The following PCDH9 variants were observed in gnomAD, a reference collection of about 807,000 sequenced individuals.
PCDH9 encodes the protein protocadherin 9.
PCDH9 carries 24 observed loss-of-function variants against 70.6 expected under a neutral mutation model. That is an observed-to-expected ratio of 0.34 (90% CI 0.25 to 0.48). PCDH9 has a LOEUF of 0.48. Among genes scored for constraint, PCDH9 ranks in the 20% least tolerant of loss-of-function variants. The pLI is 0.99. For missense variants in PCDH9, 1,281 were observed against 1,503.6 expected, an observed-to-expected ratio of 0.85 and a Z score of 2.45; for synonymous variants, 562 against 558.5, an observed-to-expected ratio of 1.01 and a Z score of -0.09.
intron 2 of PCDH9, among the ~76,000 whole-genome samples, chr13:67,142,388 T>C (rs1477322085): frequency 6.6e-6 from 1 of 152,140 alleles, no homozygotes; most frequent in Non-Finnish European, 1.5e-5. Context: ...AAAAAACAGG[T>C]ATTTTACCAA....
chr13:67,016,104 G>T (rs1048583613), intron 2 of PCDH9, among the ~76,000 whole-genome samples: 21 of 151,862 alleles, frequency 1.4e-4, no homozygotes, highest in African/African-American at 5.1e-4. Context: ...GTACCTTTAG[G>T]TTTATTAAAA....
intron 2 of PCDH9, among the ~76,000 whole-genome samples, chr13:66,930,763 T>C (rs898113767): frequency 1.4e-4 from 21 of 152,116 alleles, no homozygotes; most frequent in Admixed American, 2.0e-4. Flanking sequence ...ATGGCATCAA[T>C]GTTACCTCTT....
intron 4 of PCDH9, among the ~76,000 whole-genome samples, chr13:66,459,482 A>G (rs1254251607): frequency 6.6e-6 from 1 of 150,550 alleles, no homozygotes; most frequent in Non-Finnish European, 1.5e-5. Context: ...TTTTTTTTTT[A>G]TATTTTAGTT....
chr13:66,864,936 A>T (rs944830215), intron 3 of PCDH9, among the ~76,000 whole-genome samples: 1 of 152,254 alleles, frequency 6.6e-6, no homozygotes, highest in Non-Finnish European at 1.5e-5. Context: ...TGCCGTGGTG[A>T]GAACCTGCAG....
chr13:66,770,780 C>A (rs1340675806), intron 3 of PCDH9, among the ~76,000 whole-genome samples: 1 of 152,324 alleles, frequency 6.6e-6, no homozygotes, highest in East Asian at 1.9e-4. Flanking sequence ...CCTTCTTTGT[C>A]TTTTTGAGCT....
chr13:66,319,134 C>T (rs560686948), intron 4 of PCDH9, among the ~76,000 whole-genome samples: 1 of 152,284 alleles, frequency 6.6e-6, no homozygotes, highest in East Asian at 1.9e-4. Flanking sequence ...ACCTTCTTCA[C>T]AAGGCGGCAG....
At chr13:66,407,320 C>G (rs912043437) in intron 4 of PCDH9, among the ~76,000 whole-genome samples, 1 of 152,212 alleles carries the variant, frequency 6.6e-6, no homozygotes, top group Non-Finnish European at 1.5e-5. Context: ...TTCTTCTAAT[C>G]TATGTTCACT....
At chr13:66,499,016 C>A (rs530101265) in intron 4 of PCDH9, among the ~76,000 whole-genome samples, 1 of 151,748 alleles carries the variant, frequency 6.6e-6, no homozygotes, top group Non-Finnish European at 1.5e-5. Context: ...GAACATTTTA[C>A]TTTTCATCAT....
intron 4 of PCDH9, among the ~76,000 whole-genome samples, chr13:66,614,674 T>C (rs1376652173): frequency 6.6e-6 from 1 of 152,222 alleles, no homozygotes; most frequent in Non-Finnish European, 1.5e-5. Flanking sequence ...TTATTTGACA[T>C]GCTTATGTTA....
At chr13:66,438,308 A>T (rs1016155451) in intron 4 of PCDH9, among the ~76,000 whole-genome samples, 4 of 152,190 alleles carry the variant, frequency 2.6e-5, no homozygotes, top group East Asian at 1.9e-4. Flanking sequence ...GATTAATAAA[A>T]TTTTTCTTTT....
At chr13:66,349,877 A>T (rs925593275) in intron 4 of PCDH9, among the ~76,000 whole-genome samples, 1 of 152,228 alleles carries the variant, frequency 6.6e-6, no homozygotes, top group Non-Finnish European at 1.5e-5. Flanking sequence ...ATAGATTTGT[A>T]TAGTCAAAAG....
chr13:67,164,325 C>T (rs1001986575), intron 2 of PCDH9, among the ~76,000 whole-genome samples: 2 of 151,938 alleles, frequency 1.3e-5, no homozygotes, highest in Admixed American at 6.6e-5. Flanking sequence ...GTCTGTAATA[C>T]CAGCACTTTG....
intron 4 of PCDH9, among the ~76,000 whole-genome samples, chr13:66,601,821 G>C (rs1393562926): frequency 1.4e-5 from 2 of 145,578 alleles, no homozygotes; most frequent in African/African-American, 2.5e-5. Context: ...GTCATGTAAG[G>C]CATTACTCAT....
rs144663005 is a variant in PCDH9 at position 66,953,522 on chromosome 13, A to G, written c.3037-49917T>C. Reference sequence around the variant, plus strand: ...TCCTACAAAAAAAGGCAAGAATTCTAGTGTACAGTCTTATTGTTACAATAT... The same window carrying G: ...TCCTACAAAAAAAGGCAAGAATTCTGGTGTACAGTCTTATTGTTACAATAT... On this transcript the variant is annotated intron_variant, in intron 2 of 4. Coordinates refer to ENST00000377865, the MANE Select transcript of PCDH9 (RefSeq NM_203487.3). 1.7e-4 allele frequency among the ~76,000 whole-genome samples: 26 copies of G among 152,344 alleles called. 1 individual carries two copies. The East Asian group carries it at 5.0e-3, about 29-fold the overall frequency.
At chr13:66,445,622 CAT>C (rs1445451564) in intron 4 of PCDH9, among the ~76,000 whole-genome samples, 10 of 134,372 alleles carry the variant, frequency 7.4e-5, no homozygotes, top group African/African-American at 1.7e-4. Context: ...TATATATACA[CAT>C]ATATATTATA....
intron 2 of PCDH9, among the ~76,000 whole-genome samples, chr13:67,167,750 C>CT (rs1463095460): frequency 6.6e-6 from 1 of 152,204 alleles, no homozygotes; most frequent in East Asian, 1.9e-4. Context: ...TCTGTTTTTC[C>CT]TTTTTATTTA....
At chr13:66,741,941 C>T (rs199900848) in intron 3 of PCDH9, among the ~76,000 whole-genome samples, 3 of 150,080 alleles carry the variant, frequency 2.0e-5, no homozygotes, top group Non-Finnish European at 4.4e-5. Context: ...AGAGTCAATG[C>T]CATCCCCATC....
intron 2 of PCDH9, among the ~76,000 whole-genome samples, chr13:67,114,313 TGAAAA>T (rs890753127): frequency 2.0e-5 from 3 of 152,212 alleles, no homozygotes; most frequent in Non-Finnish European, 4.4e-5. Context: ...GCTTTATACA[TGAAAA>T]GAATAAGAAT....
chr13:66,449,732 C>T (rs546687414), intron 4 of PCDH9, among the ~76,000 whole-genome samples: 53 of 152,092 alleles, frequency 3.5e-4, no homozygotes, highest in Non-Finnish European at 5.6e-4. Flanking sequence ...GCATAATGGC[C>T]TTCTAAATTT....
Sources: allele counts gnomAD v4.1 joint callset (sites outside exome capture counted in the v4.1 genomes callset), GRCh38; gene constraint gnomAD v4.1.1; transcripts MANE v1.5; gene names NCBI Gene and HGNC (gene_info 2026-07-23, HGNC 2026-07-21).